Variants in TOP2B observed in about 807,000 individuals in gnomAD.
The protein encoded by TOP2B is DNA topoisomerase 2-beta.
TOP2B carries 51 observed loss-of-function variants against 193.5 expected under a neutral mutation model. The observed-to-expected ratio is 0.26, with a 90% CI of 0.21 to 0.33. The LOEUF (loss-of-function observed/expected upper bound fraction) is 0.33, where lower values mean the gene tolerates loss of function less well. Among genes scored for constraint, TOP2B ranks in the 10% least tolerant of loss-of-function variants. The pLI is 1.00. For synonymous variants in TOP2B, 634 were observed against 635.7 expected (o/e 1.00, Z 0.04); for missense variants, 1,378 against 1,909.3 (o/e 0.72, Z 5.19).
At chr3:25,632,858 C>T (rs567168940) in intron 8 of TOP2B, 64 bp from the exon 9 acceptor site, 1 of 1,322,570 alleles carries the variant, frequency 7.6e-7, no homozygotes, top group African/African-American at 1.5e-5. Context: ...AATACTTTAT[C>T]TGTATTATAA....
chr3:25,644,919 C>T (rs1703372190), intron 2 of TOP2B, among the ~76,000 whole-genome samples: 1 of 151,726 alleles, frequency 6.6e-6, no homozygotes, highest in Admixed American at 6.6e-5. Context: ...TCTCAGGCTC[C>T]TGAGTAGCTG....
Position 25,624,747 on chromosome 3 carries a change from G to A in TOP2B, c.2281C>T (p.Arg761Cys). Reference protein sequence around the residue: ...LFTCFKRNDKREVKVAQLAGS... With the variant: ...LFTCFKRNDKCEVKVAQLAGS... ...GCCAACTGGGCAACTTTTACTTCAC[G>A]TTTATCATTCCTCTTGAAACAGGTA... The change falls in exon 19 of 36, where the codon CGT (arginine) becomes TGT (cysteine). Residue 761 changes from arginine to cysteine, a missense_variant. Arg to Cys is a radical substitution (Grantham distance 180). This residue lies in a region of TOP2B where 379 missense variants were observed against 615.1 expected (regional missense o/e 0.62). Transcript: ENST00000264331. 6.2e-7 allele frequency: 1 copy of A among 1,613,652 alleles called. No individual in the cohort carries two copies. The highest frequency in any genetic ancestry group is 8.5e-7 in the Non-Finnish European group (1 of 1,179,712).
rs552079934 is a variant in TOP2B, at chr3:25,611,530, G to A, written c.3786+985C>T. 3.3e-5 allele frequency among the ~76,000 whole-genome samples: 5 copies of A among 152,240 alleles called. No individual in the cohort carries two copies. The East Asian group carries it at 9.7e-4, about 29-fold the overall frequency. On this transcript the variant is annotated intron_variant, in intron 28 of 35. Transcript: ENST00000264331. ...ACCTACTTGTTGGACACATCTAAACGTATACTTTCTGGATTGTAAAAATCA... is the reference window on the plus strand; with the variant it reads ...ACCTACTTGTTGGACACATCTAAACATATACTTTCTGGATTGTAAAAATCA...
At chr3:25,640,321 G>C (rs1703220993) in intron 4 of TOP2B, among the ~76,000 whole-genome samples, 2 of 151,924 alleles carry the variant, frequency 1.3e-5, no homozygotes, top group African/African-American at 4.8e-5. Context: ...TTCAATTAAA[G>C]GCAAGATCAA....
chr3:25,612,724 T>TA lies in TOP2B; in HGVS notation c.3592-16dup. The TA allele has an allele frequency of 6.2e-7, 1 of 1,605,576 alleles. No homozygotes were observed. The highest frequency in any genetic ancestry group is 8.5e-7 in the Non-Finnish European group (1 of 1,173,930). On this transcript the variant is annotated splice_polypyrimidine_tract_variant and intron_variant, in intron 27 of 35. Coordinates refer to ENST00000264331, the MANE Select transcript of TOP2B (RefSeq NM_001330700.2). ...GATTCCACTTTCTAAAGTATAATCA[T>TA]AAGGCAGAAGGAACATAAACAACTT...
At chr3:25,629,933 G>T in intron 13 of TOP2B, 96 bp downstream of exon 13, 2 of 1,298,810 alleles carry the variant, frequency 1.5e-6, no homozygotes, top group Middle Eastern at 2.1e-4. Flanking sequence ...ATCACTTTCA[G>T]TTATACCATC....
At chr3:25,615,087 C>T in intron 27 of TOP2B, 118 bp downstream of exon 27, 1 of 792,860 alleles carries the variant, frequency 1.3e-6, no homozygotes, top group Non-Finnish European at 1.9e-6. Flanking sequence ...CCTAACTCAA[C>T]TTATAAACAT....
At chr3:25,600,349 G>C (rs11920403) in intron 34 of TOP2B, among the ~76,000 whole-genome samples, 20,807 of 152,138 alleles carry the variant, frequency 0.14, 1,647 homozygotes, top group African/African-American at 0.23. Context: ...TGTCATATTT[G>C]ATCAAATGAA....
chr3:25,643,560 T>C, intron 3 of TOP2B, 134 bp downstream of exon 3: 1 of 627,388 alleles, frequency 1.6e-6, no homozygotes, highest in Non-Finnish European at 2.8e-6. Flanking sequence ...TTTCTGAAGA[T>C]CATTTATATT....
intron 18 of TOP2B, 166 bp from the exon 19 acceptor site, chr3:25,624,969 GTTTT>G (rs753225837): frequency 1.1e-5 from 7 of 645,176 alleles, no homozygotes; most frequent in Non-Finnish European, 1.8e-5. Context: ...TTGTTTGTTT[GTTTT>G]TTCCTAGAAA....
chr3:25,623,303 A>G (rs1702711147), intron 21 of TOP2B, among the ~76,000 whole-genome samples: 1 of 152,188 alleles, frequency 6.6e-6, no homozygotes, highest in Non-Finnish European at 1.5e-5. Flanking sequence ...AAATTTAAAT[A>G]AACAGTTTCT....
chr3:25,630,700 T>C, intron 11 of TOP2B, 101 bp downstream of exon 11: 1 of 1,151,336 alleles, frequency 8.7e-7, no homozygotes, highest in Non-Finnish European at 1.2e-6. Flanking sequence ...ATACTCTGAA[T>C]GGAAAATCAT....
intron 1 of TOP2B, among the ~76,000 whole-genome samples, chr3:25,663,817 ACC>A (rs60646743): frequency 6.6e-6 from 1 of 151,562 alleles, no homozygotes; most frequent in Non-Finnish European, 1.5e-5. Context: ...ACACACACAC[ACC>A]CCTTTTCCCA....
At chr3:25,620,158 G>C in intron 22 of TOP2B, 96 bp from the exon 23 acceptor site, 1 of 822,398 alleles carries the variant, frequency 1.2e-6, no homozygotes. Context: ...AACTCTCATG[G>C]GGAATTAAAA....
At chr3:25,663,268 G>A (rs781052635) in intron 1 of TOP2B, among the ~76,000 whole-genome samples, 4 of 152,150 alleles carry the variant, frequency 2.6e-5, no homozygotes, top group Non-Finnish European at 5.9e-5. Flanking sequence ...TAACAAAAAT[G>A]CCTATATGAA....
In TOP2B at chr3:25,619,973, G is replaced by A. The variant is rs758963845; in HGVS notation, c.2952C>T (p.Asp984=). The A allele has an allele frequency of 6.2e-7, 1 of 1,610,882 alleles. No individual in the cohort carries two copies. Among genetic ancestry groups the A allele is most frequent in the Non-Finnish European group, 8.5e-7 (1 of 1,177,956 alleles). The part of the protein sequence containing the change: ...LISDYKEYHT[D]TTVKFVVKMT... ...TTTTCACCACAAATTTCACAGTTGT[G>A]TCAGTATGATATTCTTTATAATCAG... Residue 984 remains aspartate, a synonymous_variant, in exon 23 of 36, where the codon GAC becomes GAT. Transcript: ENST00000264331.
chr3:25,615,461 A>G lies in TOP2B; in HGVS notation c.3477T>C (p.Val1159=). ...CATCTCTCTGTTTAATCAGTTCTTC[A>G]ACTTTTTCTTTAGTAAGAGACCACA... ...MSLWSLTKEK[V]EELIKQRDAK... Residue 1159 remains valine, a synonymous_variant, in exon 26 of 36, where the codon GTT becomes GTC. Coordinates refer to ENST00000264331, the MANE Select transcript of TOP2B (RefSeq NM_001330700.2). 1 of 1,564,032 alleles carries G rather than the reference A, an allele frequency of 6.4e-7. No homozygotes were observed. Among genetic ancestry groups the G allele is most frequent in the Admixed American group, 1.9e-5 (1 of 52,614 alleles).
At chr3:25,631,228 T>G (rs1702947339) in intron 10 of TOP2B, among the ~76,000 whole-genome samples, 1 of 152,070 alleles carries the variant, frequency 6.6e-6, no homozygotes, top group Admixed American at 6.6e-5. Context: ...CAAATTAATT[T>G]TATTAAAATT....
At chr3:25,607,885 A>T (rs1236468698) in intron 30 of TOP2B, among the ~76,000 whole-genome samples, 3 of 152,206 alleles carry the variant, frequency 2.0e-5, no homozygotes, top group African/African-American at 7.2e-5. Context: ...GGGCTCAAGC[A>T]ATCCTCACCC....
Sources: gnomAD v4.1 joint callset for allele counts (sites outside exome capture counted in the v4.1 genomes callset) on GRCh38, gnomAD v4.1.1 for gene constraint, gnomAD v4.1.1 regional missense constraint, MANE v1.5 for transcripts, NCBI Gene and HGNC (gene_info 2026-07-23, HGNC 2026-07-21) for gene names.